Variants in PCDHGA6 observed in about 807,000 individuals in gnomAD.
PCDHGA6 encodes protocadherin gamma subfamily A, 6, also known as protocadherin gamma-A6.
A neutral mutation model predicts 60.6 loss-of-function variants in PCDHGA6; 41 were observed. That is an observed-to-expected ratio of 0.68 (90% CI 0.53 to 0.88). PCDHGA6 has a LOEUF of 0.88. PCDHGA6 is among the 40% of genes least tolerant of loss of function. The pLI is 0.00. For synonymous variants in PCDHGA6, 594 were observed against 524.4 expected (o/e 1.13, Z -1.81); for missense variants, 1,312 against 1,203.0 (o/e 1.09, Z -1.34).
At chr5:141,502,082 G>A (rs538827992) in intron 2 of PCDHGA6, among the ~76,000 whole-genome samples, 1 of 152,252 alleles carries the variant, frequency 6.6e-6, no homozygotes, top group Non-Finnish European at 1.5e-5. Flanking sequence ...ACCTGGGGCT[G>A]AGAACACCTG....
intron 1 of PCDHGA6, chr5:141,441,502 T>G (rs2098250414): frequency 5.8e-6 from 1 of 173,754 alleles, no homozygotes; most frequent in African/African-American, 2.4e-5. Context: ...CTACCAGGCC[T>G]CCTACGTCGT....
intron 1 of PCDHGA6, chr5:141,404,430 A>G (rs917902438): frequency 6.2e-7 from 1 of 1,613,298 alleles, no homozygotes; most frequent in African/African-American, 1.3e-5. Context: ...TCCTTGGCAG[A>G]GGATACCATC....
chr5:141,490,576 G>T lies in PCDHGA6; in HGVS notation c.2425-4231G>T. On this transcript the variant is annotated intron_variant, in intron 1 of 3. Transcript: ENST00000517434. The surrounding 1 kb of genome is among the most constrained non-coding windows in gnomAD (Gnocchi z 5.4). ...TCTCACCATCAGGCTCAACATTTCA[G>T]ATGTCAATGACAATGCACCCCGCTT... 2.5e-6 allele frequency: 4 copies of T among 1,614,134 alleles called. No homozygotes were observed. The highest frequency in any genetic ancestry group is 3.4e-6 in the Non-Finnish European group (4 of 1,180,030).
At chr5:141,458,403 C>T (rs1057108239) in intron 1 of PCDHGA6, among the ~76,000 whole-genome samples, 6 of 152,136 alleles carry the variant, frequency 3.9e-5, no homozygotes, top group African/African-American at 1.2e-4. Context: ...CTTGCAGAGA[C>T]GGAGCGGGGG....
intron 2 of PCDHGA6, among the ~76,000 whole-genome samples, chr5:141,504,572 A>G (rs184273457): frequency 6.7e-6 from 1 of 148,962 alleles, no homozygotes; most frequent in Admixed American, 6.9e-5. Flanking sequence ...TCTAGGGAAC[A>G]CCATCTGCCC....
At chr5:141,496,178 C>T (rs1481326898) in intron 2 of PCDHGA6, among the ~76,000 whole-genome samples, 2 of 152,080 alleles carry the variant, frequency 1.3e-5, no homozygotes, top group Admixed American at 1.3e-4. Flanking sequence ...CCCATCCAAG[C>T]AGCCCCAGCT....
At position 141,423,606 on chromosome 5, in the gene PCDHGA6, G is replaced by A. The variant is rs945897368; in HGVS notation, c.2424+47099G>A. 9 of 1,612,046 alleles carry A rather than the reference G, an allele frequency of 5.6e-6. No individual in the cohort carries two copies. In the Admixed American group the frequency reaches 1.0e-4, roughly 18 times the overall value. On this transcript the variant is annotated intron_variant, in intron 1 of 3. Transcript: ENST00000517434. ...GCTGTGAGAAAAGCGAGCCACTCTT[G>A]ATAGCTGAAGACTCAGCTATCATTT...
intron 3 of PCDHGA6, among the ~76,000 whole-genome samples, chr5:141,509,429 T>G (rs2099876771): frequency 6.6e-6 from 1 of 151,964 alleles, no homozygotes; most frequent in Non-Finnish European, 1.5e-5. Context: ...TGAGTCAAAC[T>G]CTTGTTTCCT....
intron 1 of PCDHGA6, chr5:141,383,770 A>G (rs776707003): frequency 6.2e-7 from 1 of 1,613,890 alleles, no homozygotes; most frequent in East Asian, 2.2e-5. Context: ...ACTTCCAAAG[A>G]TGTTTCATCT....
intron 1 of PCDHGA6, chr5:141,413,290 A>T: frequency 6.2e-7 from 1 of 1,613,924 alleles, no homozygotes; most frequent in Non-Finnish European, 8.5e-7. Context: ...CTCCTACTCA[A>T]TTCCTGAGGA....
intron 1 of PCDHGA6, chr5:141,433,354 T>C: frequency 1.7e-6 from 1 of 602,322 alleles, no homozygotes; most frequent in Non-Finnish European, 2.9e-6. Flanking sequence ...CCACCTACTG[T>C]CTGCCTATCT....
Position 141,394,128 on chromosome 5 carries a change from G to A in PCDHGA6, c.2424+17621G>A, listed in dbSNP as rs371610257. 2.0e-5 allele frequency: 32 copies of A among 1,613,612 alleles called. No homozygotes were observed. The highest frequency in any genetic ancestry group is 4.0e-5 in the African/African-American group (3 of 74,844). ...ACCTCTGTCCACTGAAACTCAAATC[G>A]CTCTGCACGTGGCAGACATTAACGA... On this transcript the variant is annotated intron_variant, in intron 1 of 3. Transcript: ENST00000517434.
At chr5:141,411,954 A>T (rs563669924) in intron 1 of PCDHGA6, 1 of 152,382 alleles carries the variant, frequency 6.6e-6, no homozygotes, top group East Asian at 1.9e-4. Flanking sequence ...TTTTGAAGAA[A>T]AAAGATAAAA....
chr5:141,398,835 T>G (rs371527677), intron 1 of PCDHGA6: 60 of 1,613,796 alleles, frequency 3.7e-5, no homozygotes, highest in Non-Finnish European at 4.9e-5. Context: ...CCGACGCCAA[T>G]GATAATCCCC....
At chr5:141,488,866 G>A (rs957501628) in intron 1 of PCDHGA6, among the ~76,000 whole-genome samples, 1 of 152,148 alleles carries the variant, frequency 6.6e-6, no homozygotes, top group African/African-American at 2.4e-5. Flanking sequence ...GAAGTGAGTG[G>A]GGAGGTAGGA....
At chr5:141,415,122 C>G (rs552568826) in intron 1 of PCDHGA6, 1 of 1,613,668 alleles carries the variant, frequency 6.2e-7, no homozygotes, top group Non-Finnish European at 8.5e-7. Context: ...TCGTAGTGGC[C>G]GTCCAGGACC....
At position 141,408,036 on chromosome 5, in the gene PCDHGA6, A is replaced by G. The variant is rs941133513; in HGVS notation, c.2424+31529A>G. On this transcript the variant is annotated intron_variant, in intron 1 of 3. Coordinates refer to ENST00000517434, the MANE Select transcript of PCDHGA6 (RefSeq NM_018919.3). ...AGCCAACAACAGAAAGAAGAAAACC[A>G]GCTCCCACACAGAGCCTCCCGGCTG... 7.9e-6 allele frequency: 9 copies of G among 1,132,718 alleles called. No individual in the cohort carries two copies. In the African/African-American group the frequency reaches 1.4e-4, roughly 18 times the overall value. The allele number at this position is 1,132,718 out of a possible 1,614,324, so 70.2% of individuals were successfully genotyped here. A position where few individuals can be genotyped will look rare whatever the true frequency, so the allele number is the denominator to read the frequency against.
intron 1 of PCDHGA6, among the ~76,000 whole-genome samples, chr5:141,436,469 G>A (rs376024456): frequency 6.6e-6 from 1 of 152,304 alleles, no homozygotes; most frequent in East Asian, 1.9e-4. Flanking sequence ...ATTTTCAGAT[G>A]TATCATAGAA....
At chr5:141,443,199 G>C (rs936013020) in intron 1 of PCDHGA6, among the ~76,000 whole-genome samples, 1 of 152,002 alleles carries the variant, frequency 6.6e-6, no homozygotes. Context: ...ATAGTACAAA[G>C]AGCTTGTCTC....
Sources: gnomAD v4.1 joint callset for allele counts (sites outside exome capture counted in the v4.1 genomes callset) on GRCh38, gnomAD v4.1.1 for gene constraint, Gnocchi (gnomAD v3.1) non-coding constraint, MANE v1.5 for transcripts, NCBI Gene and HGNC (gene_info 2026-07-23, HGNC 2026-07-21) for gene names.